PHEX: variants seen among roughly 807,000 people sequenced by gnomAD.
PHEX encodes phosphate regulating endopeptidase X-linked.
PHEX carries 16 observed loss-of-function variants against 68.0 expected under a neutral mutation model. The ratio of observed to expected loss-of-function variants is 0.24; its 90% CI spans 0.16 to 0.36. The LOEUF (loss-of-function observed/expected upper bound fraction) is 0.36. Ranked by LOEUF, PHEX falls within the 10% of genes least tolerant of loss-of-function variation. PHEX has a pLI of 1.00. For synonymous variants in PHEX, 208 were observed against 205.1 expected (o/e 1.01, Z -0.12); for missense variants, 480 against 575.5 (o/e 0.83, Z 1.70).
At chrX:22,166,209 G>C (rs1161195407) in intron 12 of PHEX, among the ~76,000 whole-genome samples, 1 of 111,534 alleles carries the variant, frequency 9.0e-6, no homozygotes, top group Non-Finnish European at 1.9e-5. Flanking sequence ...TGGCATCCTG[G>C]CCATCTTTCA....
intron 20 of PHEX, among the ~76,000 whole-genome samples, chrX:22,244,774 T>C (rs1382235354): frequency 8.9e-6 from 1 of 111,950 alleles, no homozygotes; most frequent in Non-Finnish European, 1.9e-5. Context: ...TTAAAGCTTC[T>C]GCCAGGAAGT....
At chrX:22,243,407 G>A (rs1936291306) in intron 20 of PHEX, among the ~76,000 whole-genome samples, 1 of 111,781 alleles carries the variant, frequency 8.9e-6, no homozygotes, top group Non-Finnish European at 1.9e-5. Context: ...AAAATCGATG[G>A]CAACAAAAGC....
At chrX:22,034,925 C>T (rs1396545777) in intron 1 of PHEX, among the ~76,000 whole-genome samples, 5 of 110,827 alleles carry the variant, frequency 4.5e-5, no homozygotes, top group African/African-American at 1.6e-4. Flanking sequence ...TTAGAATCAC[C>T]CCCTTACCCC....
chrX:22,232,596 CTTTTTTT>C (rs745474280), intron 20 of PHEX, among the ~76,000 whole-genome samples: 15 of 18,553 alleles, frequency 8.1e-4, no homozygotes, highest in East Asian at 1.8e-3. Flanking sequence ...GCCACTTCTG[CTTTTTTT>C]TTTTTTTTTT....
At position 22,098,102 on chromosome X, in the gene PHEX, T is replaced by G. The variant is rs577497771; in HGVS notation, c.934-904T>G. 65 of 113,487 alleles carry G rather than the reference T, an allele frequency of 5.7e-4. 1 individual carries two copies. The South Asian group carries it at 0.019, about 33-fold the overall frequency. 9.4% of individuals were successfully genotyped at this position (113,487 alleles called of 1,213,427 possible). On this transcript the variant is annotated intron_variant, in intron 8 of 21. Transcript: ENST00000379374. ...GCTTATTTCCTCTTGTGTTTTTTTT[T>G]TTTTTTTTTTAAAAACTGTGTCACA...
intron 8 of PHEX, among the ~76,000 whole-genome samples, chrX:22,098,298 A>G (rs1307747798): frequency 1.9e-5 from 2 of 107,514 alleles, no homozygotes; most frequent in East Asian, 2.9e-4. Context: ...GGAGGAAGAA[A>G]GAGTATAGAA....
rs1229894025 is a variant in PHEX at position 22,249,470 on chromosome X, ATATATATATATATATATG to A, written c.*1523_*1540del. 2.9e-4 allele frequency: 24 copies of A among 83,547 alleles called. No homozygotes were observed. Among genetic ancestry groups the A allele is most frequent in the African/African-American group, 1.2e-3 (23 of 19,114 alleles). The allele number at this position is 83,547 out of a possible 1,213,427, so 6.9% of individuals were successfully genotyped here. A position where few individuals can be genotyped will look rare whatever the true frequency, so the allele number is the denominator to read the frequency against. On this transcript the variant is annotated 3_prime_UTR_variant, in exon 22 of 22. Coordinates refer to ENST00000379374, the MANE Select transcript of PHEX (RefSeq NM_000444.6). Reference sequence around the variant, plus strand: ...AAAAAAAAAAAATATATATATATATATATATATATATATATATGTATATCTACCTAAGTGTGTGCCATG... The same window carrying A: ...AAAAAAAAAAAATATATATATATATATATATCTACCTAAGTGTGTGCCATG...
chrX:22,171,876 G>A (rs2086232273), intron 13 of PHEX: 1 of 111,867 alleles, frequency 8.9e-6, no homozygotes. Flanking sequence ...AAAACAGCAT[G>A]CTGCATTTGA....
At chrX:22,168,063 G>A (rs1447346950) in intron 12 of PHEX, among the ~76,000 whole-genome samples, 1 of 110,986 alleles carries the variant, frequency 9.0e-6, no homozygotes, top group Non-Finnish European at 1.9e-5. Context: ...TAACAATATT[G>A]TCTATTTCTA....
chrX:22,105,696 A>G (rs56306177), intron 9 of PHEX, among the ~76,000 whole-genome samples: 1,559 of 111,578 alleles, frequency 0.014, 5 homozygotes, highest in South Asian at 0.031. Flanking sequence ...TTGACCTCTT[A>G]CCTTTGTTTT....
chrX:22,166,406 T>C (rs1288896466), intron 12 of PHEX, among the ~76,000 whole-genome samples: 1 of 111,568 alleles, frequency 9.0e-6, no homozygotes, highest in Non-Finnish European at 1.9e-5. Context: ...CTCATGTACT[T>C]ATAGTCCAGC....
intron 11 of PHEX, among the ~76,000 whole-genome samples, chrX:22,123,818 A>G (rs1282641685): frequency 1.9e-5 from 2 of 107,962 alleles, no homozygotes; most frequent in Middle Eastern, 4.7e-3. Context: ...GAGGAGCCAA[A>G]TATAATTTCT....
chrX:22,124,217 C>G (rs1181618548), intron 11 of PHEX, among the ~76,000 whole-genome samples: 1 of 111,963 alleles, frequency 8.9e-6, no homozygotes, highest in Non-Finnish European at 1.9e-5. Context: ...CCAATCGTGA[C>G]AGCTCATTTA....
chrX:22,111,360 A>T (rs1023666566), intron 9 of PHEX, 107 bp from the exon 10 acceptor site: 3 of 641,515 alleles, frequency 4.7e-6, no homozygotes, highest in Non-Finnish European at 7.9e-6. Context: ...TTGTATGAGT[A>T]AGAGGTCCCT....
At chrX:22,056,328 A>G (rs989966330) in intron 3 of PHEX, among the ~76,000 whole-genome samples, 4 of 111,763 alleles carry the variant, frequency 3.6e-5, no homozygotes, top group Non-Finnish European at 7.5e-5. Context: ...GAACCATGTC[A>G]TTAAGGATCA....
intron 12 of PHEX, among the ~76,000 whole-genome samples, chrX:22,157,439 G>A (rs1487797423): frequency 8.9e-6 from 1 of 112,414 alleles, no homozygotes; most frequent in African/African-American, 3.2e-5. Context: ...TAATCATAAG[G>A]TGGCTTTGGC....
chrX:22,212,835 T>C (rs1934971898), intron 15 of PHEX, 69 bp from the exon 16 acceptor site: 8 of 854,686 alleles, frequency 9.4e-6, no homozygotes, highest in South Asian at 4.0e-5. Flanking sequence ...CTCAGTGTTA[T>C]AGCTAGAACC....
chrX:22,103,760 A>G (rs1028081468), intron 9 of PHEX, among the ~76,000 whole-genome samples: 1 of 112,296 alleles, frequency 8.9e-6, no homozygotes, highest in Non-Finnish European at 1.9e-5. Context: ...TGCTGCTGCT[A>G]TAAACATGCA....
At chrX:22,212,275 T>G (rs1432762163) in intron 15 of PHEX, among the ~76,000 whole-genome samples, 1 of 111,240 alleles carries the variant, frequency 9.0e-6, no homozygotes, top group Non-Finnish European at 1.9e-5. Context: ...ATTTACCTTG[T>G]ATTTGTTTGG....
Sources: gnomAD v4.1 joint callset for allele counts (sites outside exome capture counted in the v4.1 genomes callset) on GRCh38, gnomAD v4.1.1 for gene constraint, MANE v1.5 for transcripts, NCBI Gene and HGNC (gene_info 2026-07-23, HGNC 2026-07-21) for gene names.